Variants in CAP1 observed in about 807,000 individuals in gnomAD.
CAP1 encodes the protein cyclase associated actin cytoskeleton regulatory protein 1, also known as adenylyl cyclase-associated protein 1.
Under a neutral mutation model 58.2 loss-of-function variants are expected in CAP1, and 11 were observed. That is an observed-to-expected ratio of 0.19 (90% CI 0.12 to 0.31). The LOEUF (loss-of-function observed/expected upper bound fraction) is 0.31, where lower values mean the gene tolerates loss of function less well. CAP1 is among the 10% of genes least tolerant of loss of function. The probability of loss-of-function intolerance (pLI) is 1.00; values close to 1 mark genes in which losing one functional copy is unlikely to be tolerated. For synonymous variants in CAP1, 183 were observed against 213.8 expected, an observed-to-expected ratio of 0.86 and a Z score of 1.26; for missense variants, 423 against 587.5, an observed-to-expected ratio of 0.72 and a Z score of 2.89.
intron 1 of CAP1, among the ~76,000 whole-genome samples, chr1:40,042,077 G>A (rs1029853660): frequency 6.6e-6 from 1 of 152,068 alleles, no homozygotes; most frequent in Non-Finnish European, 1.5e-5. Context: ...GGGTTTCGCC[G>A]TGAAGGCCAG....
At chr1:40,044,765 T>C (rs370358605) in intron 1 of CAP1, among the ~76,000 whole-genome samples, 3 of 151,194 alleles carry the variant, frequency 2.0e-5, no homozygotes, top group Non-Finnish European at 4.4e-5. Flanking sequence ...GTTGGCACAA[T>C]TGACATTTTG....
chr1:40,055,480 G>T (rs746603544), intron 1 of CAP1, among the ~76,000 whole-genome samples: 3 of 152,182 alleles, frequency 2.0e-5, no homozygotes, highest in Non-Finnish European at 4.4e-5. Context: ...GACTAGCCAA[G>T]AAGTCATTGC....
At chr1:40,066,775 C>T (rs1031402455) in intron 7 of CAP1, among the ~76,000 whole-genome samples, 1 of 152,130 alleles carries the variant, frequency 6.6e-6, no homozygotes, top group Non-Finnish European at 1.5e-5. Flanking sequence ...TAGTATAGGG[C>T]AGTGAGAAGT....
intron 1 of CAP1, among the ~76,000 whole-genome samples, chr1:40,055,298 C>T (rs530343101): frequency 1.3e-5 from 2 of 151,934 alleles, no homozygotes; most frequent in African/African-American, 4.8e-5. Flanking sequence ...GGACTTTACC[C>T]TGAACGCTCT....
In CAP1 at chr1:40,070,152, C is replaced by CT. The variant is rs747829019; in HGVS notation, c.994-6dup. 1.2e-6 allele frequency: 2 copies of CT among 1,613,942 alleles called. No homozygotes were observed. Among genetic ancestry groups the CT allele is most frequent in the East Asian group, 4.5e-5 (2 of 44,874 alleles). On this transcript the variant is annotated splice_polypyrimidine_tract_variant and splice_region_variant and intron_variant, in intron 9 of 12. Coordinates refer to ENST00000372805, the MANE Select transcript of CAP1 (RefSeq NM_006367.4). Reference sequence around the variant, plus strand: ...GTGATGAGAATCCTGGGATCTCTCTCTAACAGGAAAATCAGGAAAATGTTT... The same window carrying CT: ...GTGATGAGAATCCTGGGATCTCTCTCTTAACAGGAAAATCAGGAAAATGTTT...
At chr1:40,045,916 G>T (rs1646075441) in intron 1 of CAP1, among the ~76,000 whole-genome samples, 1 of 152,012 alleles carries the variant, frequency 6.6e-6, no homozygotes, top group Non-Finnish European at 1.5e-5. Flanking sequence ...TTAAACCCCT[G>T]GCCTCAGGTG....
intron 2 of CAP1, 79 bp from the exon 3 acceptor site, chr1:40,059,988 C>T: frequency 8.5e-7 from 1 of 1,182,636 alleles, no homozygotes; most frequent in Non-Finnish European, 1.3e-6. Context: ...CCTTGCCTCC[C>T]CACTTTCATG....
intron 1 of CAP1, among the ~76,000 whole-genome samples, chr1:40,054,193 C>CTTTTTT (rs398052925): frequency 0.014 from 1,914 of 136,316 alleles, 61 homozygotes; most frequent in African/African-American, 0.05. Flanking sequence ...GCCCACTGTT[C>CTTTTTT]TTTTTTTTTT....
At chr1:40,062,229 C>T (rs1646882783) in intron 4 of CAP1, among the ~76,000 whole-genome samples, 1 of 140,448 alleles carries the variant, frequency 7.1e-6, no homozygotes, top group African/African-American at 2.6e-5. Flanking sequence ...GAGACTCTCT[C>T]TTTAATTTTA....
In CAP1 at chr1:40,064,143, A is replaced by G. The variant is rs1646974403; in HGVS notation, c.295-84A>G. The G allele has an allele frequency of 5.9e-6, 8 of 1,359,994 alleles. No individual in the cohort carries two copies. In the South Asian group the frequency reaches 1.0e-4, roughly 17 times the overall value. 84.2% of individuals were successfully genotyped at this position (1,359,994 alleles called of 1,614,324 possible). ...TTTGGGTGCTCACTAGAGTCCATAG[A>G]GAATTCTTGCCTTCAGGATCAGAAG... On this transcript the variant is annotated intron_variant, in intron 4 of 12. Transcript: ENST00000372805.
At chr1:40,049,873 A>T (rs1646276595) in intron 1 of CAP1, among the ~76,000 whole-genome samples, 1 of 152,128 alleles carries the variant, frequency 6.6e-6, no homozygotes, top group Admixed American at 6.6e-5. Flanking sequence ...CCTTCTCTGA[A>T]TGCTGCTGTG....
At chr1:40,041,892 G>A (rs16826771) in intron 1 of CAP1, among the ~76,000 whole-genome samples, 3,239 of 152,288 alleles carry the variant, frequency 0.021, 116 homozygotes, top group African/African-American at 0.073. Context: ...AGGATAAATA[G>A]GAATGCGTTC....
chr1:40,071,522 A>G lies in CAP1; in HGVS notation c.1417A>G (p.Ile473Val), dbSNP rs1363166533. 2 of 1,612,134 alleles carry G rather than the reference A, an allele frequency of 1.2e-6. No homozygotes were observed. Among genetic ancestry groups the G allele is most frequent in the African/African-American group, 1.3e-5 (1 of 74,896 alleles). The change falls in exon 13 of 13, where the codon ATT (isoleucine) becomes GTT (valine). Residue 473 changes from isoleucine (I) to valine (V), a missense_variant. Physicochemically the swap from Ile to Val is conservative, Grantham distance 29 (BLOSUM62 3). Coordinates refer to ENST00000372805, the MANE Select transcript of CAP1 (RefSeq NM_006367.4). ...GAAGTTGGTCACCACAGTGACAGAAATTGCTGGATAAGCGAAGTGCCACTG... is the reference window on the plus strand; with the variant it reads ...GAAGTTGGTCACCACAGTGACAGAAGTTGCTGGATAAGCGAAGTGCCACTG... Reference protein sequence around the residue: ...GQKLVTTVTEIAG With the variant: ...GQKLVTTVTEVAG
intron 8 of CAP1, among the ~76,000 whole-genome samples, chr1:40,069,355 C>A (rs1406089048): frequency 4.7e-4 from 71 of 150,204 alleles, no homozygotes; most frequent in Admixed American, 4.7e-3. Context: ...ACCAAATTTT[C>A]TTTACTACCA....
intron 1 of CAP1, among the ~76,000 whole-genome samples, chr1:40,044,221 C>T (rs905237249): frequency 1.3e-5 from 2 of 151,932 alleles, no homozygotes; most frequent in African/African-American, 2.4e-5. Context: ...CATAGTGAGA[C>T]CCCTGTCTCT....
chr1:40,058,736 A>T (rs935606875), intron 1 of CAP1, among the ~76,000 whole-genome samples: 8 of 152,068 alleles, frequency 5.3e-5, no homozygotes, highest in African/African-American at 1.9e-4. Context: ...AAAAAAAATT[A>T]TTGAGGGAAG....
upstream of CAP1, chr1:40,040,474 A>G (rs72935594): frequency 6.6e-6 from 1 of 152,264 alleles, no homozygotes; most frequent in African/African-American, 2.4e-5. Flanking sequence ...CCGGGTAGGT[A>G]AAGCGGAACG....
chr1:40,062,523 G>T (rs185693438), intron 4 of CAP1, among the ~76,000 whole-genome samples: 1 of 152,128 alleles, frequency 6.6e-6, no homozygotes, highest in African/African-American at 2.4e-5. Flanking sequence ...GCTGAGGCAG[G>T]AGGATCACTT....
At chr1:40,055,698 A>G (rs1040705329) in intron 1 of CAP1, among the ~76,000 whole-genome samples, 2 of 152,110 alleles carry the variant, frequency 1.3e-5, no homozygotes, top group African/African-American at 4.8e-5. Context: ...TTGTAGAGAC[A>G]AGGTCTCCCT....
Sources: allele counts gnomAD v4.1 joint callset (sites outside exome capture counted in the v4.1 genomes callset), GRCh38; gene constraint gnomAD v4.1.1; transcripts MANE v1.5; gene names NCBI Gene and HGNC (gene_info 2026-07-23, HGNC 2026-07-21).